HS6ST3: variants seen among roughly 807,000 people sequenced by gnomAD.
HS6ST3 encodes heparan sulfate 6-O-sulfotransferase 3.
HS6ST3 carries 12 observed loss-of-function variants against 36.7 expected under a neutral mutation model. That is an observed-to-expected ratio of 0.33 (90% CI 0.21 to 0.53). HS6ST3 has a LOEUF of 0.53. Among genes scored for constraint, HS6ST3 ranks in the 20% least tolerant of loss-of-function variants. HS6ST3 has a pLI of 0.95. For synonymous variants in HS6ST3, 240 were observed against 257.5 expected (o/e 0.93, Z 0.65); for missense variants, 584 against 640.9 (o/e 0.91, Z 0.96).
chr13:96,221,565 A>C (rs1045926679), intron 1 of HS6ST3, among the ~76,000 whole-genome samples: 4 of 152,160 alleles, frequency 2.6e-5, no homozygotes, highest in Non-Finnish European at 5.9e-5. Flanking sequence ...GATGCAGGTG[A>C]GTGCTCTAAA....
intron 1 of HS6ST3, among the ~76,000 whole-genome samples, chr13:96,092,947 A>AT (rs1250520431): frequency 6.6e-6 from 1 of 152,170 alleles, no homozygotes; most frequent in Non-Finnish European, 1.5e-5. Flanking sequence ...GCTTTTAAAT[A>AT]TTTTTAATAG....
intron 1 of HS6ST3, among the ~76,000 whole-genome samples, chr13:96,522,437 ATT>A (rs1325023408): frequency 6.6e-6 from 1 of 152,076 alleles, no homozygotes; most frequent in Non-Finnish European, 1.5e-5. Flanking sequence ...TCTGTCTAAT[ATT>A]GACAGTGGGG....
In HS6ST3 at chr13:96,299,117, C is replaced by T. The variant is rs561816701; in HGVS notation, c.707+207548C>T. On this transcript the variant is annotated intron_variant, in intron 1 of 1. Transcript: ENST00000376705. ...CATGGTGGATTAAACTCCTTAATTT[C>T]AGCCCTTAATCCAGGCACAGGGAAA... 2.0e-5 allele frequency among the ~76,000 whole-genome samples: 3 copies of T among 152,256 alleles called. 1 individual carries two copies. Among genetic ancestry groups the T allele is most frequent in the African/African-American group, 7.2e-5 (3 of 41,556 alleles).
chr13:96,805,939 C>T (rs1008022578), intron 1 of HS6ST3, among the ~76,000 whole-genome samples: 2 of 152,304 alleles, frequency 1.3e-5, no homozygotes, highest in Non-Finnish European at 1.5e-5. Context: ...GAATGCAGGA[C>T]TCTAATGCTC....
chr13:96,252,156 G>C (rs2054610876), intron 1 of HS6ST3, among the ~76,000 whole-genome samples: 1 of 152,160 alleles, frequency 6.6e-6, no homozygotes, highest in Non-Finnish European at 1.5e-5. Flanking sequence ...TTGTATTGCT[G>C]TGTATTTATT....
chr13:96,160,376 T>A (rs2054130056), intron 1 of HS6ST3, among the ~76,000 whole-genome samples: 1 of 152,192 alleles, frequency 6.6e-6, no homozygotes, highest in Non-Finnish European at 1.5e-5. Flanking sequence ...TTCTAGAAGC[T>A]CTTTGAATTG....
At chr13:96,249,709 A>C (rs2054599234) in intron 1 of HS6ST3, among the ~76,000 whole-genome samples, 1 of 152,180 alleles carries the variant, frequency 6.6e-6, no homozygotes, top group Non-Finnish European at 1.5e-5. Context: ...AGTTGCAAAG[A>C]GGTAGAAATA....
intron 1 of HS6ST3, among the ~76,000 whole-genome samples, chr13:96,562,879 G>A (rs2056267453): frequency 6.6e-6 from 1 of 151,926 alleles, no homozygotes; most frequent in African/African-American, 2.4e-5. Context: ...TGCTTTCTTT[G>A]TGGCTCACAG....
At chr13:96,600,857 C>G (rs377606731) in intron 1 of HS6ST3, among the ~76,000 whole-genome samples, 17 of 152,156 alleles carry the variant, frequency 1.1e-4, no homozygotes, top group Non-Finnish European at 4.4e-5. Flanking sequence ...TCAGGCTGGT[C>G]TAGTGGTGAC....
At chr13:96,308,895 T>C (rs950100122) in intron 1 of HS6ST3, among the ~76,000 whole-genome samples, 5 of 152,126 alleles carry the variant, frequency 3.3e-5, no homozygotes, top group African/African-American at 1.2e-4. Context: ...GTTTTACCGA[T>C]AGGAAATCAA....
chr13:96,680,720 T>A (rs970996136), intron 1 of HS6ST3, among the ~76,000 whole-genome samples: 3 of 152,206 alleles, frequency 2.0e-5, no homozygotes, highest in African/African-American at 7.2e-5. Flanking sequence ...CATCTTGACA[T>A]AAGCATCTTC....
chr13:96,352,997 T>C (rs1356815112), intron 1 of HS6ST3, among the ~76,000 whole-genome samples: 1 of 151,514 alleles, frequency 6.6e-6, no homozygotes, highest in African/African-American at 2.4e-5. Context: ...GCACAAATCC[T>C]TAACTCTAAG....
intron 1 of HS6ST3, among the ~76,000 whole-genome samples, chr13:96,211,808 A>G (rs1367010710): frequency 6.6e-6 from 1 of 152,232 alleles, no homozygotes; most frequent in Non-Finnish European, 1.5e-5. Context: ...ACACATTACA[A>G]TGATATACTG....
chr13:96,640,521 G>A (rs547143269), intron 1 of HS6ST3, among the ~76,000 whole-genome samples: 1 of 151,630 alleles, frequency 6.6e-6, no homozygotes, highest in Non-Finnish European at 1.5e-5. Context: ...TAGGGTTTCT[G>A]TTTATTATAG....
In HS6ST3 at chr13:96,482,807, T is replaced by G. The variant is rs147642602; in HGVS notation, c.708-349683T>G. 3.9e-4 allele frequency among the ~76,000 whole-genome samples: 59 copies of G among 152,354 alleles called. 1 individual carries two copies. Among genetic ancestry groups the G allele is most frequent in the African/African-American group, 1.3e-3 (55 of 41,576 alleles). ...ACTTTTAGTTGTTCCTAGCAGAGCCTAGGAAATATTGTTAAATGGAAAAAG... is the reference window on the plus strand; with the variant it reads ...ACTTTTAGTTGTTCCTAGCAGAGCCGAGGAAATATTGTTAAATGGAAAAAG... On this transcript the variant is annotated intron_variant, in intron 1 of 1. Coordinates refer to ENST00000376705, the MANE Select transcript of HS6ST3 (RefSeq NM_153456.4).
intron 1 of HS6ST3, among the ~76,000 whole-genome samples, chr13:96,701,635 A>C (rs1238621850): frequency 6.6e-6 from 1 of 152,138 alleles, no homozygotes; most frequent in African/African-American, 2.4e-5. Context: ...TTTATAATTT[A>C]ATGAGGGAGA....
chr13:96,190,310 G>A (rs1453738105), intron 1 of HS6ST3, among the ~76,000 whole-genome samples: 2 of 152,180 alleles, frequency 1.3e-5, no homozygotes, highest in Non-Finnish European at 2.9e-5. Flanking sequence ...CTTGGCTTCA[G>A]TTACCATCTG....
At chr13:96,337,952 T>G (rs940888556) in intron 1 of HS6ST3, among the ~76,000 whole-genome samples, 1 of 152,070 alleles carries the variant, frequency 6.6e-6, no homozygotes, top group African/African-American at 2.4e-5. Flanking sequence ...TTTTAAAAAT[T>G]CTTTTTGTTT....
intron 1 of HS6ST3, among the ~76,000 whole-genome samples, chr13:96,553,986 G>A (rs1047945019): frequency 3.9e-5 from 6 of 152,272 alleles, no homozygotes; most frequent in South Asian, 2.1e-4. Flanking sequence ...GTGTGCGTGC[G>A]TGCGTGCATG....
Sources: allele counts gnomAD v4.1 joint callset (sites outside exome capture counted in the v4.1 genomes callset), GRCh38; gene constraint gnomAD v4.1.1; transcripts MANE v1.5; gene names NCBI Gene and HGNC (gene_info 2026-07-23, HGNC 2026-07-21).